Variants in MICU3 observed in about 807,000 individuals in gnomAD.
The protein encoded by MICU3 is mitochondrial calcium uptake 3.
A neutral mutation model predicts 66.5 loss-of-function variants in MICU3; 62 were observed. The ratio of observed to expected loss-of-function variants is 0.93; its 90% CI spans 0.76 to 1.15. The LOEUF (loss-of-function observed/expected upper bound fraction) is 1.15, where lower values mean the gene tolerates loss of function less well. MICU3 is among the 50% of genes most tolerant of loss of function. The pLI, the probability that MICU3 is intolerant of heterozygous loss-of-function variation, is 0.00. For synonymous variants in MICU3, 308 were observed against 240.7 expected (o/e 1.28, Z -2.59); for missense variants, 779 against 664.4 (o/e 1.17, Z -1.90).
chr8:17,104,355 T>C (rs753980773), intron 9 of MICU3, 36 bp from the exon 10 acceptor site: 30 of 1,115,796 alleles, frequency 2.7e-5, no homozygotes, highest in Admixed American at 2.7e-5. Flanking sequence ...GTTTCTTTTA[T>C]TGAAGCTAAC....
At chr8:17,048,005 G>A (rs1815381488) in intron 1 of MICU3, among the ~76,000 whole-genome samples, 1 of 152,178 alleles carries the variant, frequency 6.6e-6, no homozygotes, top group African/African-American at 2.4e-5. Context: ...ACGCAAGATA[G>A]TGGGCCATGA....
At chr8:17,133,856 G>A in the MICU3 span, among the ~76,000 whole-genome samples, 1 of 152,144 alleles carries the variant, frequency 6.6e-6, no homozygotes, top group Non-Finnish European at 1.5e-5. Context: ...GTGTGGGGAT[G>A]TAAATAAATA....
chr8:17,090,611 T>TATG, intron 8 of MICU3, 27 bp downstream of exon 8: 1 of 1,543,194 alleles, frequency 6.5e-7, no homozygotes, highest in South Asian at 1.2e-5. Context: ...AAATGTTCTT[T>TATG]ATGTATATAG....
Position 17,064,188 on chromosome 8 carries a change from C to G in MICU3, c.486C>G (p.Phe162Leu). 1.2e-6 allele frequency: 2 copies of G among 1,612,776 alleles called. No individual in the cohort carries two copies. The highest frequency in any genetic ancestry group is 1.7e-6 in the Non-Finnish European group (2 of 1,179,134). Residue 162 changes from phenylalanine (F) to leucine (L), a missense_variant, in exon 2 of 15, where the codon TTC becomes TTG. Coordinates refer to ENST00000318063, the MANE Select transcript of MICU3 (RefSeq NM_181723.3). ...FASIECEGQL[F>L]MTPYDFILAV... ...CTATAGAATGTGAAGGGCAGTTATT[C>G]ATGACTCCGTATGATTTTATTTTGG...
intron 9 of MICU3, chr8:17,102,361 C>G (rs1273106280): frequency 1.3e-5 from 2 of 151,846 alleles, no homozygotes; most frequent in Non-Finnish European, 2.9e-5. Flanking sequence ...ACAAAGAGTG[C>G]CTATAATTAA....
At chr8:17,123,553 T>C (rs1020168372), downstream of MICU3, among the ~76,000 whole-genome samples, 1 of 152,066 alleles carries the variant, frequency 6.6e-6, no homozygotes, top group African/African-American at 2.4e-5. Flanking sequence ...TAATGTATAG[T>C]ATTGAGCATG....
intron 2 of MICU3, among the ~76,000 whole-genome samples, chr8:17,068,876 G>A (rs1243128268): frequency 6.6e-6 from 1 of 152,120 alleles, no homozygotes; most frequent in Non-Finnish European, 1.5e-5. Flanking sequence ...ATATTAACCA[G>A]TTTCCTAATA....
intron 1 of MICU3, among the ~76,000 whole-genome samples, chr8:17,052,174 G>C (rs908387584): frequency 2.0e-5 from 3 of 152,014 alleles, no homozygotes; most frequent in Non-Finnish European, 4.4e-5. Flanking sequence ...TATAATGTAA[G>C]CTACTATAAT....
At chr8:17,080,386 A>G (rs1053951144) in intron 4 of MICU3, among the ~76,000 whole-genome samples, 1 of 152,086 alleles carries the variant, frequency 6.6e-6, no homozygotes, top group Non-Finnish European at 1.5e-5. Flanking sequence ...TGAGTTAACT[A>G]TCAAATAAAA....
the MICU3 span, among the ~76,000 whole-genome samples, chr8:17,128,018 G>A: frequency 1.3e-5 from 2 of 152,176 alleles, no homozygotes; most frequent in African/African-American, 4.8e-5. Context: ...TCCTCAGCTA[G>A]AGCAACAGAG....
intron 1 of MICU3, among the ~76,000 whole-genome samples, chr8:17,027,925 C>G (rs1241483069): frequency 6.6e-6 from 1 of 152,138 alleles, no homozygotes; most frequent in East Asian, 1.9e-4. Context: ...ACCAACACCC[C>G]TCCCCCTCTT....
chr8:17,089,720 G>A (rs903372931), intron 7 of MICU3, among the ~76,000 whole-genome samples: 1 of 151,910 alleles, frequency 6.6e-6, no homozygotes, highest in South Asian at 2.1e-4. Context: ...TACGATGGGG[G>A]CATTAGGAGT....
chr8:17,100,347 G>A (rs993097082), intron 9 of MICU3, among the ~76,000 whole-genome samples: 2 of 151,338 alleles, frequency 1.3e-5, no homozygotes. Context: ...AGACAATCAA[G>A]AAAGGAAAAA....
At chr8:17,039,523 A>G (rs988777774) in intron 1 of MICU3, among the ~76,000 whole-genome samples, 1 of 152,216 alleles carries the variant, frequency 6.6e-6, no homozygotes, top group African/African-American at 2.4e-5. Flanking sequence ...GTCACATACA[A>G]TGATTTGAGT....
chr8:17,105,869 G>GCTCT (rs1468015531), intron 11 of MICU3, among the ~76,000 whole-genome samples: 1 of 151,852 alleles, frequency 6.6e-6, no homozygotes, highest in East Asian at 1.9e-4. Context: ...ATTCCACTTA[G>GCTCT]CTCTATGCTT....
At chr8:17,119,573 A>G (rs1803032024) in intron 14 of MICU3, among the ~76,000 whole-genome samples, 1 of 151,812 alleles carries the variant, frequency 6.6e-6, no homozygotes, top group East Asian at 1.9e-4. Context: ...AGATAGATAG[A>G]TAGAGGTGTT....
intron 1 of MICU3, among the ~76,000 whole-genome samples, chr8:17,031,874 T>C (rs1812131229): frequency 3.3e-5 from 5 of 152,208 alleles, no homozygotes; most frequent in Admixed American, 3.3e-4. Context: ...TATAGATTTG[T>C]TGAAATATCT....
chr8:17,113,525 C>T (rs539555774), intron 11 of MICU3, among the ~76,000 whole-genome samples: 2 of 152,292 alleles, frequency 1.3e-5, no homozygotes, highest in East Asian at 3.9e-4. Context: ...CAGAACTGTA[C>T]CTCTGAGGTC....
intron 4 of MICU3, among the ~76,000 whole-genome samples, chr8:17,078,227 A>G (rs1820669625): frequency 6.6e-6 from 1 of 151,972 alleles, no homozygotes. Context: ...TCAAAGGTCT[A>G]TTTTTCTTCC....
Sources: gnomAD v4.1 joint callset for allele counts (sites outside exome capture counted in the v4.1 genomes callset) on GRCh38, gnomAD v4.1.1 for gene constraint, MANE v1.5 for transcripts, NCBI Gene and HGNC (gene_info 2026-07-23, HGNC 2026-07-21) for gene names.